Variants in MSRA observed in about 807,000 individuals in gnomAD.
MSRA encodes methionine sulfoxide reductase A.
In MSRA, 54 loss-of-function variants were observed where a neutral mutation model predicts 31.3. The ratio of observed to expected loss-of-function variants is 1.73; its 90% CI spans 1.39 to 2.17. The LOEUF is 2.17. MSRA is among the 30% of genes most tolerant of loss of function. The probability of loss-of-function intolerance (pLI) is 0.00; values close to 1 mark genes in which losing one functional copy is unlikely to be tolerated. For missense variants in MSRA, 507 were observed against 300.9 expected (o/e 1.69, Z -5.07); for synonymous variants, 169 against 116.5 (o/e 1.45, Z -2.90).
intron 1 of MSRA, among the ~76,000 whole-genome samples, chr8:10,056,250 G>A (rs1802364530): frequency 1.4e-5 from 2 of 139,516 alleles, no homozygotes; most frequent in South Asian, 2.3e-4. Context: ...CTCTTGTTCA[G>A]ATTTCCAAAC....
intron 5 of MSRA, among the ~76,000 whole-genome samples, chr8:10,325,266 T>A (rs1380408233): frequency 1.3e-5 from 2 of 152,160 alleles, no homozygotes; most frequent in Non-Finnish European, 2.9e-5. Flanking sequence ...GCAGAGTGCA[T>A]CCTGCTGCAG....
chr8:10,342,096 C>G (rs1263855295), intron 5 of MSRA, among the ~76,000 whole-genome samples: 2 of 152,168 alleles, frequency 1.3e-5, no homozygotes, highest in African/African-American at 4.8e-5. Flanking sequence ...TTAAAAATAT[C>G]TGGTTAGTAA....
chr8:10,271,452 G>A (rs144401488), intron 3 of MSRA, among the ~76,000 whole-genome samples: 283 of 20,114 alleles, frequency 0.014, 1 homozygote, highest in Non-Finnish European at 0.02. Context: ...ATTGACTAGG[G>A]GAAAAATAAC....
intron 1 of MSRA, among the ~76,000 whole-genome samples, chr8:10,173,056 C>G (rs1010133210): frequency 6.6e-6 from 1 of 152,168 alleles, no homozygotes; most frequent in Non-Finnish European, 1.5e-5. Flanking sequence ...GTATAAAGAC[C>G]ATTTAAAATA....
chr8:10,136,457 C>G (rs1802285034), intron 1 of MSRA, among the ~76,000 whole-genome samples: 1 of 152,188 alleles, frequency 6.6e-6, no homozygotes, highest in South Asian at 2.1e-4. Flanking sequence ...GAAACAAGTC[C>G]CAGCTCGGGA....
chr8:10,358,685 C>T lies in MSRA; in HGVS notation c.543+38696C>T, dbSNP rs371724100. 6.3e-5 allele frequency among the ~76,000 whole-genome samples: 9 copies of T among 141,750 alleles called. No individual in the cohort carries two copies. The South Asian group carries it at 9.2e-4, about 15-fold the overall frequency. 93.0% of individuals were successfully genotyped at this position (141,750 alleles called of 152,430 possible). A position where few individuals can be genotyped will look rare whatever the true frequency, so the allele number is the denominator to read the frequency against. ...TCGGCTCACTGCAAGCTCCGCCTCC[C>T]GGGTTCACGCCATTCTCCTGCCTCA... On this transcript the variant is annotated intron_variant, in intron 5 of 5. Transcript: ENST00000317173.
Position 10,277,762 on chromosome 8 carries a change from A to G in MSRA, c.332-23772A>G, listed in dbSNP as rs539958177. Among the ~76,000 whole-genome samples, 136 of 152,292 alleles carry G rather than the reference A, an allele frequency of 8.9e-4. No homozygotes were observed. In the South Asian group the frequency reaches 0.027, roughly 31 times the overall value. On this transcript the variant is annotated intron_variant, in intron 3 of 5. Transcript: ENST00000317173. Reference sequence around the variant, plus strand: ...TACTTATTAGCTTATAATTTTTTGTATTCAGATCTCTTTATAATAAGTATG... The same window carrying G: ...TACTTATTAGCTTATAATTTTTTGTGTTCAGATCTCTTTATAATAAGTATG...
chr8:10,253,552 A>T (rs184148091), intron 3 of MSRA, among the ~76,000 whole-genome samples: 77 of 152,356 alleles, frequency 5.1e-4, no homozygotes, highest in African/African-American at 1.8e-3. Context: ...TTACCCATTC[A>T]ACACTAGAAA....
At chr8:10,057,823 A>G (rs1306938934) in intron 1 of MSRA, among the ~76,000 whole-genome samples, 3 of 152,204 alleles carry the variant, frequency 2.0e-5, no homozygotes, top group South Asian at 2.1e-4. Flanking sequence ...CTTTCTGTAC[A>G]GGCTGTGAAA....
intron 3 of MSRA, among the ~76,000 whole-genome samples, chr8:10,295,971 T>G (rs995785153): frequency 1.3e-5 from 2 of 152,208 alleles, no homozygotes; most frequent in African/African-American, 4.8e-5. Context: ...CACTTGCTCA[T>G]TAAACCTGGC....
chr8:10,358,162 C>T (rs565976552), intron 5 of MSRA, among the ~76,000 whole-genome samples: 12 of 152,250 alleles, frequency 7.9e-5, no homozygotes, highest in South Asian at 2.1e-4. Context: ...TTCCTGCCCC[C>T]GGGTGATCTG....
At chr8:10,395,125 G>A (rs961896841) in intron 5 of MSRA, among the ~76,000 whole-genome samples, 10 of 152,314 alleles carry the variant, frequency 6.6e-5, no homozygotes, top group South Asian at 2.1e-4. Flanking sequence ...TTAGGAACAC[G>A]CAGGAGGAAG....
At chr8:10,302,776 C>T (rs183714801) in intron 4 of MSRA, among the ~76,000 whole-genome samples, 129 of 152,324 alleles carry the variant, frequency 8.5e-4, no homozygotes, top group Admixed American at 1.4e-3. Flanking sequence ...GCACGATTTC[C>T]ATGACCACAA....
intron 5 of MSRA, among the ~76,000 whole-genome samples, chr8:10,426,996 G>A (rs1214389553): frequency 2.6e-5 from 4 of 152,212 alleles, no homozygotes; most frequent in South Asian, 2.1e-4. Flanking sequence ...TGGCTCAGAC[G>A]GCGAAACAGA....
intron 1 of MSRA, among the ~76,000 whole-genome samples, chr8:10,152,288 T>G (rs1465296044): frequency 2.0e-5 from 3 of 152,180 alleles, no homozygotes; most frequent in Non-Finnish European, 1.5e-5. Context: ...TAAATAAAAT[T>G]GGATTGAGTC....
At chr8:10,326,191 G>A (rs1296385080) in intron 5 of MSRA, among the ~76,000 whole-genome samples, 1 of 152,146 alleles carries the variant, frequency 6.6e-6, no homozygotes, top group Non-Finnish European at 1.5e-5. Context: ...TGACCCCCTA[G>A]TACCCAGCTT....
chr8:10,410,211 G>C (rs1808071323), intron 5 of MSRA, among the ~76,000 whole-genome samples: 1 of 152,156 alleles, frequency 6.6e-6, no homozygotes, highest in Non-Finnish European at 1.5e-5. Context: ...CATGTGTGGC[G>C]GGGACGCTTG....
intron 1 of MSRA, among the ~76,000 whole-genome samples, chr8:10,162,415 C>T (rs1161374691): frequency 1.3e-5 from 2 of 152,202 alleles, no homozygotes; most frequent in Non-Finnish European, 2.9e-5. Context: ...ACTGCTACCA[C>T]GAAGGGTGTT....
chr8:10,416,561 A>G (rs1289300511), intron 5 of MSRA, among the ~76,000 whole-genome samples: 1 of 152,210 alleles, frequency 6.6e-6, no homozygotes, highest in Non-Finnish European at 1.5e-5. Context: ...CTAGTGCTTT[A>G]TAGCGTCTGC....
Sources: gnomAD v4.1 joint callset for allele counts (sites outside exome capture counted in the v4.1 genomes callset) on GRCh38, gnomAD v4.1.1 for gene constraint, MANE v1.5 for transcripts, NCBI Gene and HGNC (gene_info 2026-07-23, HGNC 2026-07-21) for gene names.